Variants in MAP1A observed in about 807,000 individuals in gnomAD.
The protein encoded by MAP1A is microtubule-associated protein 1A.
A neutral mutation model predicts 185.9 loss-of-function variants in MAP1A; 42 were observed. That is an observed-to-expected ratio of 0.23 (90% confidence interval 0.18 to 0.29). The LOEUF is 0.29. Ranked by LOEUF, MAP1A falls within the 10% of genes least tolerant of loss-of-function variation. MAP1A has a pLI of 1.00. For missense variants in MAP1A, 2,995 were observed against 3,450.4 expected (o/e 0.87, Z 3.31); for synonymous variants, 1,229 against 1,335.9 (o/e 0.92, Z 1.74).
chr15:43,524,492 C>T lies in MAP1A; in HGVS notation c.3019C>T (p.His1007Tyr). 6.2e-7 allele frequency: 1 copy of T among 1,614,180 alleles called. No homozygotes were observed. Among genetic ancestry groups the T allele is most frequent in the Non-Finnish European group, 8.5e-7 (1 of 1,180,034 alleles). ...PPPSGPPSAT[H>Y]TPFHQSPVEE... The stretch of plus-strand genomic sequence containing the variant: ...ACCATCTGGCCCACCCAGTGCCACC[C>T]ACACACCCTTTCATCAGTCCCCAGT... The change falls in exon 4 of 6, where the codon CAC becomes TAC. Residue 1007 changes from histidine (H) to tyrosine (Y), a missense_variant. His to Tyr is a moderately conservative substitution (Grantham distance 83). This residue lies in a region of MAP1A where 2,728 missense variants were observed against 2,986.0 expected (regional missense o/e 0.91). Coordinates refer to ENST00000300231, the MANE Select transcript of MAP1A (RefSeq NM_002373.6).
chr15:43,525,988 T>G lies in MAP1A; in HGVS notation c.4515T>G (p.Ser1505Arg), dbSNP rs377400769. The change falls in exon 4 of 6, where the codon AGT becomes AGG. Residue 1505 changes from serine to arginine, a missense_variant. Ser to Arg is a moderately radical substitution (Grantham distance 110). Transcript: ENST00000300231. Reference sequence around the variant, plus strand: ...AAGCCTTAGATCAAAAAGTCAGAAGTGTTGAACATAAGGCTCCGGAGGACA... The same window carrying G: ...AAGCCTTAGATCAAAAAGTCAGAAGGGTTGAACATAAGGCTCCGGAGGACA... ...KDKALDQKVR[S>R]VEHKAPEDTV... The G allele has an allele frequency of 6.2e-5, 100 of 1,613,826 alleles. 1 individual carries two copies. In the Middle Eastern group the frequency reaches 8.2e-4, roughly 13 times the overall value.
rs1448258217 is a variant in MAP1A, at chr15:43,523,189, T to A, written c.1716T>A (p.Ala572=). The change falls in exon 4 of 6, where the codon GCT becomes GCA. Residue 572 remains alanine, a synonymous_variant. Coordinates refer to ENST00000300231, the MANE Select transcript of MAP1A (RefSeq NM_002373.6). ...CAGAGGAGGGACCCCCAAGTACAGC[T>A]ATCCAGGGAACACCACCCTCTGTTC... ...DTAEEGPPST[A]IQGTPPSVPG... 1 of 1,614,054 alleles carries A rather than the reference T, an allele frequency of 6.2e-7. No individual in the cohort carries two copies. The highest frequency in any genetic ancestry group is 1.7e-5 in the Admixed American group (1 of 60,018).
At chr15:43,515,626 T>C (rs2079294462), upstream of MAP1A, among the ~76,000 whole-genome samples, 1 of 152,200 alleles carries the variant, frequency 6.6e-6, no homozygotes, top group Non-Finnish European at 1.5e-5. Context: ...AGCTTTTTTT[T>C]CATCTTTTAT....
chr15:43,529,711 G>A lies in MAP1A; in HGVS notation c.8097G>A (p.Pro2699=), dbSNP rs771943586. 5.8e-5 allele frequency: 94 copies of A among 1,613,808 alleles called. No homozygotes were observed. Among genetic ancestry groups the A allele is most frequent in the Non-Finnish European group, 4.3e-5 (51 of 1,179,966 alleles). Residue 2699 remains proline, a synonymous_variant, in exon 5 of 6, where the codon CCG becomes CCA. Coordinates refer to ENST00000300231, the MANE Select transcript of MAP1A (RefSeq NM_002373.6). This position sits in a 1 kb window ranked among gnomAD's most constrained non-coding sequence, Gnocchi z 4.3. ...TATATGTGGATCTCGCCTACATCCC[G>A]AATCATTGCAGTGGCAAGACTGCTG... ...APVYVDLAYI[P]NHCSGKTADL...
rs758079886 is a variant in MAP1A at position 43,523,820 on chromosome 15, C to T, written c.2347C>T (p.Pro783Ser). Residue 783 changes from proline to serine, a missense_variant, in exon 4 of 6, where the codon CCA becomes TCA. Physicochemically the swap from Pro to Ser is moderately conservative, Grantham distance 74. Coordinates refer to ENST00000300231, the MANE Select transcript of MAP1A (RefSeq NM_002373.6). ...CCTGCCCGGGCCTGAAGGTGCTGGC[C>T]CATTCGAAGCCAGCCAACCTGCCGA... The part of the protein sequence containing the change: ...YDLPGPEGAG[P>S]FEASQPADSA... The T allele has an allele frequency of 1.4e-5, 23 of 1,613,922 alleles. No individual in the cohort carries two copies. In the South Asian group the frequency reaches 2.5e-4, roughly 18 times the overall value.
chr15:43,516,815 G>A (rs965858965), upstream of MAP1A, among the ~76,000 whole-genome samples: 4 of 152,240 alleles, frequency 2.6e-5, no homozygotes, highest in African/African-American at 9.6e-5. Context: ...TGGGCCGGAG[G>A]CCCTGGTGAT....
rs55904898 is a variant in MAP1A, at chr15:43,523,983, A to G, written c.2510A>G (p.Lys837Arg). ...SSATSITECDKLSSFATSVAE... is the reference protein window; with the variant it reads ...SSATSITECDRLSSFATSVAE... The stretch of plus-strand genomic sequence containing the variant: ...GCCACTTCAATCACTGAGTGTGACA[A>G]ACTTTCTTCCTTTGCCACATCAGTG... The change falls in exon 4 of 6, where the codon AAA becomes AGA. Residue 837 changes from lysine (K) to arginine (R), a missense_variant. Transcript: ENST00000300231. 336 of 1,614,066 alleles carry G rather than the reference A, an allele frequency of 2.1e-4. 2 individuals carry two copies. Among genetic ancestry groups the G allele is most frequent in the Middle Eastern group, 1.2e-3 (7 of 6,062 alleles).
intron 1 of MAP1A, among the ~76,000 whole-genome samples, chr15:43,519,860 CT>C (rs2079312650): frequency 6.6e-6 from 1 of 152,176 alleles, no homozygotes; most frequent in African/African-American, 2.4e-5. Context: ...AGAGAAGAAA[CT>C]GTTCACAATG....
Position 43,525,284 on chromosome 15 carries a change from A to G in MAP1A, c.3811A>G (p.Thr1271Ala). Residue 1271 changes from threonine (T) to alanine (A), a missense_variant, in exon 4 of 6, where the codon ACT (threonine) becomes GCT (alanine). Transcript: ENST00000300231. ...ATASPPTDGT[T>A]RYSAQTDITD... ...AGCGTCACCTCCCACAGATGGGACA[A>G]CTCGATACTCTGCACAGACAGACAT... The G allele has an allele frequency of 1.2e-6, 2 of 1,614,126 alleles. No homozygotes were observed. Among genetic ancestry groups the G allele is most frequent in the Non-Finnish European group, 1.7e-6 (2 of 1,180,022 alleles).
Position 43,523,909 on chromosome 15 carries a change from C to T in MAP1A, c.2436C>T (p.Pro812=). ...CGCCAGAGACTGAACTCACCTACCC[C>T]ACTAACATAGTGGCTGCCCCTTTGG... is the stretch of plus-strand genomic sequence containing the variant. ...YGTPETELTY[P]TNIVAAPLAE... is the part of the protein sequence containing the mutation. Residue 812 remains proline, a synonymous_variant, in exon 4 of 6, where the codon CCC becomes CCT. Transcript: ENST00000300231. 6.2e-7 allele frequency: 1 copy of T among 1,614,196 alleles called. No individual in the cohort carries two copies. Among genetic ancestry groups the T allele is most frequent in the Non-Finnish European group, 8.5e-7 (1 of 1,180,024 alleles).
Position 43,523,757 on chromosome 15 carries a change from C to T in MAP1A, c.2284C>T (p.Arg762Cys), listed in dbSNP as rs374094553. ...DEEIHDEPEE[R>C]PAPPRFHTST... ...GGAGATCCATGATGAGCCGGAGGAG[C>T]GCCCAGCTCCACCCAGATTTCATAC... Residue 762 changes from arginine (R) to cysteine (C), a missense_variant, in exon 4 of 6, where the codon CGC becomes TGC. Arg to Cys is a radical substitution (Grantham distance 180). This residue lies in a region of MAP1A where 2,728 missense variants were observed against 2,986.0 expected (regional missense o/e 0.91). Coordinates refer to ENST00000300231, the MANE Select transcript of MAP1A (RefSeq NM_002373.6). The T allele has an allele frequency of 2.1e-5, 34 of 1,613,922 alleles. No individual in the cohort carries two copies. The highest frequency in any genetic ancestry group is 1.7e-4 in the African/African-American group (13 of 74,894).
In MAP1A at chr15:43,527,699, C is replaced by G. The variant is rs773400796; in HGVS notation, c.6226C>G (p.Pro2076Ala). The change falls in exon 4 of 6, where the codon CCT (proline) becomes GCT (alanine). Residue 2076 changes from proline (P) to alanine (A), a missense_variant. Coordinates refer to ENST00000300231, the MANE Select transcript of MAP1A (RefSeq NM_002373.6). ...APILSKGPSP[P>A]LNGNILSCSP... is the part of the protein sequence containing the mutation. ...TATCCTGAGCAAAGGCCCAAGCCCCCCTCTTAATGGTAACATCCTGAGCTG... is the reference window on the plus strand; with the variant it reads ...TATCCTGAGCAAAGGCCCAAGCCCCGCTCTTAATGGTAACATCCTGAGCTG... 33 of 1,613,088 alleles carry G rather than the reference C, an allele frequency of 2.0e-5. No individual in the cohort carries two copies. The East Asian group carries it at 4.5e-4, about 22-fold the overall frequency.
intron 5 of MAP1A, 57 bp from the exon 6 acceptor site, chr15:43,530,012 C>G: frequency 2.5e-6 from 4 of 1,585,014 alleles, no homozygotes; most frequent in South Asian, 1.1e-5. Flanking sequence ...TGCCCCTTCC[C>G]CCTCACCTAC....
At position 43,523,466 on chromosome 15, in the gene MAP1A, C is replaced by T. The variant is rs200749556; in HGVS notation, c.1993C>T (p.His665Tyr). The change falls in exon 4 of 6, where the codon CAC (histidine) becomes TAC (tyrosine). Residue 665 changes from histidine to tyrosine, a missense_variant. His to Tyr is a moderately conservative substitution (Grantham distance 83). Coordinates refer to ENST00000300231, the MANE Select transcript of MAP1A (RefSeq NM_002373.6). ...KAELEEMEEV[H>Y]PSDEEEEDAT... ...TGAGTTAGAAGAAATGGAGGAGGTA[C>T]ACCCTTCAGATGAGGAGGAAGAGGA... 3 of 1,613,934 alleles carry T rather than the reference C, an allele frequency of 1.9e-6. No individual in the cohort carries two copies. Among genetic ancestry groups the T allele is most frequent in the Non-Finnish European group, 1.7e-6 (2 of 1,179,940 alleles).
At position 43,530,415 on chromosome 15, in the gene MAP1A, A is replaced by G. The variant is rs542460468; in HGVS notation, c.*191A>G. 1 of 657,764 alleles carries G rather than the reference A, an allele frequency of 1.5e-6. No homozygotes were observed. The highest frequency in any genetic ancestry group is 1.8e-5 in the African/African-American group (1 of 55,000). The allele number at this position is 657,764 out of a possible 1,614,324, so 40.7% of individuals were successfully genotyped here. ...ATCATCCATTCCTGTGAGGTGTCTC[A>G]AACCAAAGTTAACAGGGAGAGGATG... On this transcript the variant is annotated 3_prime_UTR_variant, in exon 6 of 6. Transcript: ENST00000300231.
chr15:43,527,751 C>T lies in MAP1A; in HGVS notation c.6278C>T (p.Pro2093Leu), dbSNP rs2079351957. 2 of 1,613,688 alleles carry T rather than the reference C, an allele frequency of 1.2e-6. No individual in the cohort carries two copies. Among genetic ancestry groups the T allele is most frequent in the Non-Finnish European group, 1.7e-6 (2 of 1,179,882 alleles). ...SCSPDRRSPS[P>L]KESGRSHWDD... ...AGCCCAGATAGGAGGTCCCCATCCC[C>T]CAAGGAATCAGGCCGGAGTCACTGG... The change falls in exon 4 of 6, where the codon CCC (proline) becomes CTC (leucine). Residue 2093 changes from proline to leucine, a missense_variant. By Grantham distance (98) the Pro-to-Leu change is moderately conservative (BLOSUM62 -3). Transcript: ENST00000300231.
In MAP1A at chr15:43,522,024, T is replaced by A. The variant is rs765924061; in HGVS notation, c.551T>A (p.Ile184Asn). ...EPLYRVVSNT[I>N]EPLTLFHKMG... ...CTATATCGTGTGGTCAGCAATACCA[T>A]TGAGCCACTGACCCTCTTCCACAAA... The change falls in exon 4 of 6, where the codon ATT (isoleucine) becomes AAT (asparagine). Residue 184 changes from isoleucine to asparagine, a missense_variant. Coordinates refer to ENST00000300231, the MANE Select transcript of MAP1A (RefSeq NM_002373.6). The surrounding 1 kb of genome is among the most constrained non-coding windows in gnomAD (Gnocchi z 5.9). The A allele has an allele frequency of 6.2e-7, 1 of 1,614,174 alleles. No homozygotes were observed. The highest frequency in any genetic ancestry group is 8.5e-7 in the Non-Finnish European group (1 of 1,180,032).
In MAP1A at chr15:43,525,558, C is replaced by T. The variant is rs759472265; in HGVS notation, c.4085C>T (p.Pro1362Leu). ...RTSEQKKEPEPKDEVLQQKDK... is the reference protein window; with the variant it reads ...RTSEQKKEPELKDEVLQQKDK... The stretch of plus-strand genomic sequence containing the variant: ...TCAGAACAGAAGAAGGAACCTGAGC[C>T]AAAGGATGAAGTTTTACAGCAGAAA... Residue 1362 changes from proline (P) to leucine (L), a missense_variant, in exon 4 of 6, where the codon CCA becomes CTA. Pro to Leu is a moderately conservative substitution (Grantham distance 98, BLOSUM62 -3). This residue lies in a region of MAP1A where 2,728 missense variants were observed against 2,986.0 expected (regional missense o/e 0.91). Coordinates refer to ENST00000300231, the MANE Select transcript of MAP1A (RefSeq NM_002373.6). The T allele has an allele frequency of 6.8e-6, 11 of 1,614,006 alleles. No individual in the cohort carries two copies. The Admixed American group carries it at 1.2e-4, about 17-fold the overall frequency.
In MAP1A at chr15:43,528,741, C is replaced by G. The variant is rs748880472; in HGVS notation, c.7268C>G (p.Pro2423Arg). The G allele has an allele frequency of 3.7e-6, 6 of 1,613,038 alleles. No homozygotes were observed. Among genetic ancestry groups the G allele is most frequent in the Non-Finnish European group, 4.2e-6 (5 of 1,179,596 alleles). Residue 2423 changes from proline (P) to arginine (R), a missense_variant, in exon 4 of 6, where the codon CCC becomes CGC. Around this residue, in one of 3 missense-constraint regions of MAP1A, gnomAD observed 2,728 missense variants for 2,986.0 expected, o/e 0.91. Transcript: ENST00000300231. ...VCPAGGSGGPPSSASPEVEAG... is the reference protein window; with the variant it reads ...VCPAGGSGGPRSSASPEVEAG... Reference sequence around the variant, plus strand: ...CCTGCAGGGGGCTCCGGGGGCCCACCCAGCAGTGCCTCTCCTGAGGTCGAA... The same window carrying G: ...CCTGCAGGGGGCTCCGGGGGCCCACGCAGCAGTGCCTCTCCTGAGGTCGAA...
Sources: gnomAD v4.1 joint callset for allele counts (sites outside exome capture counted in the v4.1 genomes callset) on GRCh38, gnomAD v4.1.1 for gene constraint, gnomAD v4.1.1 regional missense constraint, Gnocchi (gnomAD v3.1) non-coding constraint, MANE v1.5 for transcripts, NCBI Gene and HGNC (gene_info 2026-07-23, HGNC 2026-07-21) for gene names.